Variants in HIPK3 observed in about 807,000 individuals in gnomAD.
The protein encoded by HIPK3 is homeodomain interacting protein kinase 3, also known as homeodomain-interacting protein kinase 3.
Under a neutral mutation model 124.2 loss-of-function variants are expected in HIPK3, and 47 were observed. The ratio of observed to expected loss-of-function variants is 0.38; its 90% CI spans 0.30 to 0.48. The LOEUF is 0.48. HIPK3 is among the 20% of genes least tolerant of loss of function. HIPK3 has a pLI of 0.98. For synonymous variants in HIPK3, 482 were observed against 515.2 expected (o/e 0.94, Z 0.87); for missense variants, 1,286 against 1,454.3 (o/e 0.88, Z 1.88).
At chr11:33,268,622 A>T (rs1055968184) in intron 1 of HIPK3, among the ~76,000 whole-genome samples, 1 of 144,674 alleles carries the variant, frequency 6.9e-6, no homozygotes, top group Non-Finnish European at 1.5e-5. Context: ...AAAAATTAAA[A>T]AAAGAATCTT....
At chr11:33,349,039 G>T in intron 13 of HIPK3, 108 bp from the exon 14 acceptor site, 2 of 1,089,068 alleles carry the variant, frequency 1.8e-6, no homozygotes, top group Non-Finnish European at 1.3e-6. Flanking sequence ...TGTCCATGTA[G>T]GTCATTCTTA....
intron 2 of HIPK3, among the ~76,000 whole-genome samples, chr11:33,309,997 C>T (rs1852274060): frequency 6.6e-6 from 1 of 152,146 alleles, no homozygotes; most frequent in Admixed American, 6.5e-5. Context: ...CATTTTCTTG[C>T]ACATTTCTAT....
At chr11:33,278,437 G>C (rs1851326510) in intron 1 of HIPK3, among the ~76,000 whole-genome samples, 1 of 152,116 alleles carries the variant, frequency 6.6e-6, no homozygotes, top group Admixed American at 6.5e-5. Flanking sequence ...TGAGATAAGG[G>C]AGGAAAGAGA....
At chr11:33,279,638 G>T (rs148346004) in intron 1 of HIPK3, among the ~76,000 whole-genome samples, 1 of 152,126 alleles carries the variant, frequency 6.6e-6, no homozygotes, top group Admixed American at 6.5e-5. Context: ...GTTCAGATGC[G>T]ACTTAAAGTT....
At chr11:33,259,263 G>T (rs1850760691) in intron 1 of HIPK3, among the ~76,000 whole-genome samples, 1 of 152,000 alleles carries the variant, frequency 6.6e-6, no homozygotes, top group South Asian at 2.1e-4. Context: ...CCGTAACGGT[G>T]GTTACTGCTT....
chr11:33,299,256 G>A (rs373249891), intron 2 of HIPK3, among the ~76,000 whole-genome samples: 1 of 151,518 alleles, frequency 6.6e-6, no homozygotes, highest in African/African-American at 2.4e-5. Context: ...GGTGGATCAC[G>A]AGGTCAGGAG....
chr11:33,277,776 G>A (rs1851309634), intron 1 of HIPK3, among the ~76,000 whole-genome samples: 3 of 152,276 alleles, frequency 2.0e-5, no homozygotes, highest in South Asian at 4.1e-4. Context: ...TCTTACCCTT[G>A]TATAACAGTT....
intron 2 of HIPK3, among the ~76,000 whole-genome samples, chr11:33,321,273 T>C (rs1852655471): frequency 6.6e-6 from 1 of 152,170 alleles, no homozygotes; most frequent in African/African-American, 2.4e-5. Context: ...GATAGGGTAA[T>C]GAAAGCCTTT....
chr11:33,351,575 AT>A (rs770616053), intron 14 of HIPK3, 32 bp from the exon 15 acceptor site: 22 of 1,488,026 alleles, frequency 1.5e-5, no homozygotes, highest in East Asian at 2.3e-5. Context: ...TTGGAAAAAA[AT>A]ATCACTCATA....
intron 2 of HIPK3, among the ~76,000 whole-genome samples, chr11:33,308,533 TC>T (rs1208052902): frequency 1.4e-4 from 21 of 152,132 alleles, no homozygotes; most frequent in African/African-American, 5.1e-4. Context: ...TAGCAATATG[TC>T]CTTTTCCCCC....
chr11:33,310,084 C>T (rs1236117576), intron 2 of HIPK3, among the ~76,000 whole-genome samples: 1 of 152,104 alleles, frequency 6.6e-6, no homozygotes. Flanking sequence ...ATCTTTTCCC[C>T]CATTGGTTTT....
At chr11:33,302,696 TATG>T (rs1368696106) in intron 2 of HIPK3, among the ~76,000 whole-genome samples, 29 of 152,292 alleles carry the variant, frequency 1.9e-4, no homozygotes, top group Admixed American at 1.6e-3. Flanking sequence ...ATTTCAATAA[TATG>T]AAGAAGATAA....
At chr11:33,290,668 C>A (rs1244289196) in intron 2 of HIPK3, among the ~76,000 whole-genome samples, 1 of 145,508 alleles carries the variant, frequency 6.9e-6, no homozygotes, top group East Asian at 2.0e-4. Flanking sequence ...TTGAGAATGT[C>A]TGTCGGTTTA....
chr11:33,285,927 A>G (rs1243033523), intron 1 of HIPK3, among the ~76,000 whole-genome samples: 2 of 152,126 alleles, frequency 1.3e-5, no homozygotes, highest in East Asian at 3.9e-4. Context: ...ATGCACCACC[A>G]TCCCCAGCTA....
At chr11:33,352,358 G>A in intron 16 of HIPK3, 93 bp downstream of exon 16, 1 of 1,359,732 alleles carries the variant, frequency 7.4e-7, no homozygotes, top group Non-Finnish European at 1.0e-6. Flanking sequence ...ACTGTATGTA[G>A]TGTTAATGAA....
chr11:33,283,865 G>A (rs1488871018), intron 1 of HIPK3, among the ~76,000 whole-genome samples: 2 of 151,876 alleles, frequency 1.3e-5, no homozygotes, highest in Non-Finnish European at 2.9e-5. Flanking sequence ...AGTAGAGAAG[G>A]GGTTTCACCA....
chr11:33,257,599 C>T lies in HIPK3; in HGVS notation c.-293C>T. 1 of 986,968 alleles carries T rather than the reference C, an allele frequency of 1.0e-6. No individual in the cohort carries two copies. The highest frequency in any genetic ancestry group is 1.2e-6 in the Non-Finnish European group (1 of 830,762). 61.1% of individuals were successfully genotyped at this position (986,968 alleles called of 1,614,324 possible). A position where few individuals can be genotyped will look rare whatever the true frequency, so the allele number is the denominator to read the frequency against. On this transcript the variant is annotated 5_prime_UTR_variant, in exon 1 of 17. Transcript: ENST00000303296. ...GCCTCCCACTACCCCTCGCCCTAGCCAAGCCGTCCCCACCCCAAATCCCCG... is the reference window on the plus strand; with the variant it reads ...GCCTCCCACTACCCCTCGCCCTAGCTAAGCCGTCCCCACCCCAAATCCCCG...
At chr11:33,268,585 C>T (rs539763593) in intron 1 of HIPK3, among the ~76,000 whole-genome samples, 28 of 124,828 alleles carry the variant, frequency 2.2e-4, no homozygotes, top group Admixed American at 1.5e-3. Flanking sequence ...AGTAAGACTC[C>T]GTCACCAAAA....
chr11:33,286,604 A>G lies in HIPK3; in HGVS notation c.190A>G (p.Thr64Ala). 6.2e-7 allele frequency: 1 copy of G among 1,614,152 alleles called. No homozygotes were observed. The highest frequency in any genetic ancestry group is 8.5e-7 in the Non-Finnish European group (1 of 1,180,026). The change falls in exon 2 of 17, where the codon ACA becomes GCA. Residue 64 changes from threonine (T) to alanine (A), a missense_variant. Transcript: ENST00000303296. Reference protein sequence around the residue: ...HPPTKGSAFQTKIPFNRPRGH... With the variant: ...HPPTKGSAFQAKIPFNRPRGH... The stretch of plus-strand genomic sequence containing the variant: ...TCCCACTAAGGGTAGTGCTTTTCAG[A>G]CAAAGATACCATTTAATAGACCTCG...
Sources: allele counts gnomAD v4.1 joint callset (sites outside exome capture counted in the v4.1 genomes callset), GRCh38; gene constraint gnomAD v4.1.1; transcripts MANE v1.5; gene names NCBI Gene and HGNC (gene_info 2026-07-23, HGNC 2026-07-21).